The following MLIP variants were observed in gnomAD, a reference collection of about 807,000 sequenced individuals.
The protein encoded by MLIP is muscular LMNA interacting protein, also known as muscular LMNA-interacting protein.
A neutral mutation model predicts 84.8 loss-of-function variants in MLIP; 79 were observed. The observed-to-expected ratio is 0.93, with a 90% CI of 0.78 to 1.12. MLIP has a LOEUF of 1.12. MLIP is among the 50% of genes most tolerant of loss of function. The pLI is 0.00. For missense variants in MLIP, 1,257 were observed against 1,160.6 expected (o/e 1.08, Z -1.21); for synonymous variants, 504 against 463.0 (o/e 1.09, Z -1.14).
chr6:54,217,938 G>A (rs914896573), intron 11 of MLIP: 144 of 985,240 alleles, frequency 1.5e-4, no homozygotes, highest in Non-Finnish European at 1.6e-4. Context: ...AAGATAATTC[G>A]CTGGGGTGGA....
At chr6:54,254,798 C>T (rs1782893704) in intron 12 of MLIP, among the ~76,000 whole-genome samples, 1 of 146,760 alleles carries the variant, frequency 6.8e-6, no homozygotes, top group Non-Finnish European at 1.5e-5. Flanking sequence ...CCCCACTTTC[C>T]TGCCCTGCCG....
chr6:54,219,978 T>G (rs78597260), intron 11 of MLIP, among the ~76,000 whole-genome samples: 2,025 of 152,212 alleles, frequency 0.013, 45 homozygotes, highest in African/African-American at 0.046. Flanking sequence ...AAAAAAAACC[T>G]TCGGCAAAAT....
intron 11 of MLIP, chr6:54,215,555 CCA>C (rs1299864166): frequency 5.3e-5 from 14 of 263,724 alleles, no homozygotes; most frequent in Admixed American, 1.8e-4. Context: ...ATAATGATTA[CCA>C]CAGTTAAATT....
chr6:54,138,790 T>A (rs1312805232), intron 4 of MLIP, among the ~76,000 whole-genome samples: 1 of 152,192 alleles, frequency 6.6e-6, no homozygotes, highest in African/African-American at 2.4e-5. Context: ...AAAGCAACTC[T>A]ACACTAAGGC....
At chr6:54,191,246 A>G (rs377327329) in intron 10 of MLIP, among the ~76,000 whole-genome samples, 9 of 152,208 alleles carry the variant, frequency 5.9e-5, no homozygotes, top group African/African-American at 2.2e-4. Context: ...TTGGTATCCT[A>G]TAGCCACAGC....
chr6:54,167,597 G>A (rs1775324506), intron 8 of MLIP, among the ~76,000 whole-genome samples: 1 of 151,570 alleles, frequency 6.6e-6, no homozygotes, highest in Admixed American at 6.6e-5. Context: ...CATTCACATT[G>A]TCTTGCCTTT....
At chr6:54,093,527 T>C (rs1324282672) in intron 1 of MLIP, among the ~76,000 whole-genome samples, 1 of 152,142 alleles carries the variant, frequency 6.6e-6, no homozygotes, top group African/African-American at 2.4e-5. Flanking sequence ...GCAACACAAG[T>C]GTTGTCTAAG....
intron 1 of MLIP, among the ~76,000 whole-genome samples, chr6:54,056,089 T>A (rs1051976558): frequency 6.6e-6 from 1 of 152,214 alleles, no homozygotes; most frequent in African/African-American, 2.4e-5. Flanking sequence ...AAATATTTGG[T>A]TAAATTATTT....
intron 5 of MLIP, among the ~76,000 whole-genome samples, chr6:54,157,167 C>T (rs76441480): frequency 0.057 from 8,678 of 152,104 alleles, 841 homozygotes; most frequent in African/African-American, 0.2. Flanking sequence ...AGGGCCAGAA[C>T]AAAATCCTGT....
At chr6:54,238,463 C>T (rs1781508302) in intron 12 of MLIP, among the ~76,000 whole-genome samples, 1 of 152,174 alleles carries the variant, frequency 6.6e-6, no homozygotes, top group South Asian at 2.1e-4. Context: ...ATTCCAACTA[C>T]ATTTTCTCCC....
chr6:54,107,385 C>T (rs1769094976), upstream of MLIP, among the ~76,000 whole-genome samples: 1 of 152,176 alleles, frequency 6.6e-6, no homozygotes, highest in Non-Finnish European at 1.5e-5. Flanking sequence ...TGGAATTTCA[C>T]ATATTGTTGA....
At chr6:54,124,435 C>T (rs1770726733) in intron 2 of MLIP, 38 bp from the exon 3 acceptor site, 1 of 1,549,232 alleles carries the variant, frequency 6.5e-7, no homozygotes, top group African/African-American at 1.4e-5. Context: ...ATTTATTAAA[C>T]TAATGTCAAT....
chr6:54,086,904 C>T (rs1023465863), intron 1 of MLIP, among the ~76,000 whole-genome samples: 2 of 152,214 alleles, frequency 1.3e-5, no homozygotes, highest in Non-Finnish European at 2.9e-5. Flanking sequence ...GTGCTCTCAC[C>T]TCCATCTTCT....
chr6:54,192,451 T>C (rs186307249), intron 10 of MLIP, among the ~76,000 whole-genome samples: 35 of 152,164 alleles, frequency 2.3e-4, no homozygotes, highest in African/African-American at 7.7e-4. Flanking sequence ...ATAGGACATG[T>C]ACTTCACTAA....
At position 54,202,145 on chromosome 6, in the gene MLIP, G is replaced by A. The variant is rs758098866; in HGVS notation, c.2630G>A (p.Arg877Lys). The A allele has an allele frequency of 6.9e-6, 11 of 1,602,530 alleles. No homozygotes were observed. In the South Asian group the frequency reaches 7.8e-5, roughly 11 times the overall value. Residue 877 changes from arginine to lysine, a missense_variant, in exon 11 of 14, where the codon AGA (arginine) becomes AAA (lysine). Transcript: ENST00000502396. ...ATTCGCCCAGTACCTGTAAAATCCA[G>A]AATATTACTGAAAAAAGAGGAGGAA... ...GVIRPVPVKS[R>K]ILLKKEEEVY...
upstream of MLIP, among the ~76,000 whole-genome samples, chr6:54,110,276 C>T (rs1291905819): frequency 1.3e-5 from 2 of 152,004 alleles, no homozygotes; most frequent in African/African-American, 4.8e-5. Context: ...AGCCACGGCG[C>T]CTGGCCAGTA....
chr6:54,060,389 T>C (rs570498580), intron 1 of MLIP, among the ~76,000 whole-genome samples: 1 of 152,326 alleles, frequency 6.6e-6, no homozygotes, highest in African/African-American at 2.4e-5. Context: ...ACCTATGTTG[T>C]AATTTGGCCT....
intron 1 of MLIP, among the ~76,000 whole-genome samples, chr6:54,070,632 CATT>C (rs1171464581): frequency 2.0e-5 from 3 of 152,110 alleles, no homozygotes; most frequent in Non-Finnish European, 4.4e-5. Flanking sequence ...AGAAAATAAA[CATT>C]ATAAGTTAAC....
intron 1 of MLIP, chr6:54,046,809 G>A (rs532491548): frequency 7.2e-4 from 110 of 152,214 alleles, no homozygotes; most frequent in African/African-American, 2.6e-3. Context: ...TTGCTGCTGA[G>A]GATAGTCTTG....
Sources: gnomAD v4.1 joint callset for allele counts (sites outside exome capture counted in the v4.1 genomes callset) on GRCh38, gnomAD v4.1.1 for gene constraint, MANE v1.5 for transcripts, NCBI Gene and HGNC (gene_info 2026-07-23, HGNC 2026-07-21) for gene names.